MCM4: variants seen among roughly 807,000 people sequenced by gnomAD.
MCM4 encodes the protein DNA replication licensing factor MCM4.
A neutral mutation model predicts 88.7 loss-of-function variants in MCM4; 60 were observed. That is an observed-to-expected ratio of 0.68 (90% CI 0.55 to 0.84). MCM4 has a LOEUF of 0.84. Among genes scored for constraint, MCM4 ranks in the 40% least tolerant of loss-of-function variants. MCM4 has a pLI of 0.00. For synonymous variants in MCM4, 465 were observed against 410.5 expected, an observed-to-expected ratio of 1.13 and a Z score of -1.61; for missense variants, 1,149 against 1,105.5, an observed-to-expected ratio of 1.04 and a Z score of -0.56.
Position 47,974,835 on chromosome 8 carries a change from A to G in MCM4, c.2238A>G (p.Lys746=), listed in dbSNP as rs747940212. 8 of 1,614,116 alleles carry G rather than the reference A, an allele frequency of 5.0e-6. No individual in the cohort carries two copies. ...TCCGCTTAGCAGAAGCCCATGCTAA[A>G]GTAAGATTGTCTAACAAAGTTGAAG... The part of the protein sequence containing the change: ...SLIRLAEAHA[K]VRLSNKVEAI... Residue 746 remains lysine (K), a synonymous_variant, in exon 15 of 17, where the codon AAA becomes AAG. Coordinates refer to ENST00000649973, the MANE Select transcript of MCM4 (RefSeq NM_182746.3).
chr8:47,975,832 G>A lies in MCM4; in HGVS notation c.2483G>A (p.Arg828Gln), dbSNP rs1250073415. 5.1e-6 allele frequency: 8 copies of A among 1,576,778 alleles called. No homozygotes were observed. The highest frequency in any genetic ancestry group is 1.9e-5 in the Admixed American group (1 of 52,594). The change falls in exon 16 of 17, where the codon CGG becomes CAG. Residue 828 changes from arginine to glutamine, a missense_variant. Arg to Gln is a conservative substitution (Grantham distance 43). This residue lies in a region of MCM4 where 238 missense variants were observed against 241.6 expected (regional missense o/e 0.99). Coordinates refer to ENST00000649973, the MANE Select transcript of MCM4 (RefSeq NM_182746.3). ...LKYQQLFEDI[R>Q]GQSDIAITKD... is the part of the protein sequence containing the mutation. ...TACCAGCAACTTTTTGAAGATATTC[G>A]GGGACAATCTGACATAGTAAGTGTT...
intron 10 of MCM4, chr8:47,969,559 G>T: frequency 3.7e-6 from 2 of 536,060 alleles, no homozygotes; most frequent in Non-Finnish European, 3.3e-6. Context: ...TGGTTCTTTC[G>T]AGCTTGTCCG....
rs1280395717 is a variant in MCM4, at chr8:47,970,555, T to G, written c.1479T>G (p.Ser493Arg). Residue 493 changes from serine (S) to arginine (R), a missense_variant, in exon 12 of 17, where the codon AGT becomes AGG. By Grantham distance (110) the Ser-to-Arg change is moderately radical. Around this residue, in one of 3 missense-constraint regions of MCM4, gnomAD observed 906 missense variants for 843.0 expected, o/e 1.07. Coordinates refer to ENST00000649973, the MANE Select transcript of MCM4 (RefSeq NM_182746.3). ...QLFGGTRKDF[S>R]HTGRGKFRAE... is the part of the protein sequence containing the mutation. ...TTGGCGGGACAAGGAAGGATTTTAGTCACACTGGAAGGGGCAAATTTCGGG... is the reference window on the plus strand; with the variant it reads ...TTGGCGGGACAAGGAAGGATTTTAGGCACACTGGAAGGGGCAAATTTCGGG... The G allele has an allele frequency of 6.2e-7, 1 of 1,611,662 alleles. No homozygotes were observed. The highest frequency in any genetic ancestry group is 8.5e-7 in the Non-Finnish European group (1 of 1,178,212).
rs774669015 is a variant in MCM4 at position 47,966,356 on chromosome 8, C to G, written c.1002C>G (p.Thr334=). The change falls in exon 9 of 17, where the codon ACC becomes ACG. Residue 334 remains threonine (T), a synonymous_variant. Transcript: ENST00000649973. ...GTGTGTGCGGGCGCTGCCACACCAC[C>G]CACAGCATGGCACTCATCCACAACC... ...EPSVCGRCHT[T]HSMALIHNRS... 2 of 1,613,852 alleles carry G rather than the reference C, an allele frequency of 1.2e-6. No homozygotes were observed. The highest frequency in any genetic ancestry group is 1.7e-5 in the Admixed American group (1 of 59,992).
rs2090952722 is a variant in MCM4, at chr8:47,971,418, T to A, written c.1878T>A (p.Pro626=). 1 of 1,614,080 alleles carries A rather than the reference T, an allele frequency of 6.2e-7. No homozygotes were observed. Among genetic ancestry groups the A allele is most frequent in the Non-Finnish European group, 8.5e-7 (1 of 1,179,970 alleles). The change falls in exon 13 of 17, where the codon CCT becomes CCA. Residue 626 remains proline (P), a synonymous_variant. Coordinates refer to ENST00000649973, the MANE Select transcript of MCM4 (RefSeq NM_182746.3). ...AANPIESQWN[P]KKTTIENIQL... ...ATCCCATTGAGTCTCAGTGGAATCC[T>A]AAAAAAACAACCATTGAAAACATCC...
rs756967187 is a variant in MCM4, at chr8:47,967,385, G to C, written c.1074G>C (p.Pro358=). 6 of 1,614,146 alleles carry C rather than the reference G, an allele frequency of 3.7e-6. No homozygotes were observed. The South Asian group carries it at 6.6e-5, about 18-fold the overall frequency. ...TTCAGATCAAGCTTCAGGAGTCTCCGGAAGACATGCCTGCAGGGCAGACAC... is the reference window on the plus strand; with the variant it reads ...TTCAGATCAAGCTTCAGGAGTCTCCCGAAGACATGCCTGCAGGGCAGACAC... ...DKQMIKLQES[P]EDMPAGQTPH... Residue 358 remains proline (P), a synonymous_variant, in exon 10 of 17, where the codon CCG becomes CCC. Transcript: ENST00000649973.
rs1300603595 is a variant in MCM4, at chr8:47,975,768, A to T, written c.2419A>T (p.Lys807Ter). 1 of 1,586,866 alleles carries T rather than the reference A, an allele frequency of 6.3e-7. No individual in the cohort carries two copies. Among genetic ancestry groups the T allele is most frequent in the African/African-American group, 1.4e-5 (1 of 73,448 alleles). ...AGAAGAATTAGCTGAAGCATTGAAA[A>T]AGCTTATTTTATCTAAGGGCAAAAC... is the stretch of plus-strand genomic sequence containing the variant. ...RKEELAEALK[K>*]LILSKGKTPA... The change falls in exon 16 of 17, where the codon AAG becomes TAG. Residue 807 changes from lysine (K) to a stop codon, truncating the protein, a stop_gained. Transcript: ENST00000649973. LOFTEE classifies it high-confidence loss of function.
In MCM4 at chr8:47,972,959, A is replaced by C. The variant is rs773997334; in HGVS notation, c.2031A>C (p.Ala677=). 1.9e-6 allele frequency: 3 copies of C among 1,614,090 alleles called. No homozygotes were observed. Among genetic ancestry groups the C allele is most frequent in the Non-Finnish European group, 2.5e-6 (3 of 1,180,036 alleles). Residue 677 remains alanine (A), a synonymous_variant, in exon 14 of 17, where the codon GCA becomes GCC. Coordinates refer to ENST00000649973, the MANE Select transcript of MCM4 (RefSeq NM_182746.3). ...TGTACTACCAGAGCGAGGAGCAGGCAGAGGAGGAGCTCCTGGACATGGCGG... is the reference window on the plus strand; with the variant it reads ...TGTACTACCAGAGCGAGGAGCAGGCCGAGGAGGAGCTCCTGGACATGGCGG... ...VALYYQSEEQ[A]EEELLDMAVL... is the part of the protein sequence containing the mutation.
At chr8:47,971,572 T>G (rs2090954082) in intron 13 of MCM4, 104 bp downstream of exon 13, 7 of 1,203,882 alleles carry the variant, frequency 5.8e-6, no homozygotes, top group Non-Finnish European at 7.1e-6. Context: ...CTCTTCACTC[T>G]TATCAAGATG....
At position 47,970,620 on chromosome 8, in the gene MCM4, G is replaced by A; in HGVS notation, c.1544G>A (p.Ser515Asn). 1 of 1,614,164 alleles carries A rather than the reference G, an allele frequency of 6.2e-7. No homozygotes were observed. The highest frequency in any genetic ancestry group is 8.5e-7 in the Non-Finnish European group (1 of 1,180,032). Reference protein sequence around the residue: ...NILLCGDPGTSKSQLLQYVYN... With the variant: ...NILLCGDPGTNKSQLLQYVYN... ...TTGCTGTGTGGCGACCCTGGTACCA[G>A]CAAGTCCCAGCTGCTGCAGTACGTG... The change falls in exon 12 of 17, where the codon AGC (serine) becomes AAC (asparagine). Residue 515 changes from serine to asparagine, a missense_variant. Ser to Asn is a conservative substitution (Grantham distance 46). This residue lies in a region of MCM4 where 906 missense variants were observed against 843.0 expected (regional missense o/e 1.07). Coordinates refer to ENST00000649973, the MANE Select transcript of MCM4 (RefSeq NM_182746.3).
rs1017256592 is a variant in MCM4, at chr8:47,976,845, A to AT, written c.*68dup. The AT allele has an allele frequency of 9.6e-7, 1 of 1,038,586 alleles. No individual in the cohort carries two copies. Among genetic ancestry groups the AT allele is most frequent in the Non-Finnish European group, 1.5e-6 (1 of 663,154 alleles). 64.3% of individuals were successfully genotyped at this position (1,038,586 alleles called of 1,614,324 possible). ...TGCACGCCACATGGGTGTGGTCTGC[A>AT]TCTCAGTTGGCCGCCATCAGTGTAA... On this transcript the variant is annotated 3_prime_UTR_variant, in exon 17 of 17. Transcript: ENST00000649973.
chr8:47,970,421 T>C lies in MCM4; in HGVS notation c.1435-90T>C, dbSNP rs2090941844. The stretch of plus-strand genomic sequence containing the variant: ...CTGTGATTTCTTAATTGTAGTTCTT[T>C]ATAAGAGAGAAAAGTACCTCTAAAG... On this transcript the variant is annotated intron_variant, in intron 11 of 16. Transcript: ENST00000649973. 22 of 1,459,986 alleles carry C rather than the reference T, an allele frequency of 1.5e-5. No homozygotes were observed. In the South Asian group the frequency reaches 2.0e-4, roughly 14 times the overall value. 90.4% of individuals were successfully genotyped at this position (1,459,986 alleles called of 1,614,324 possible).
intron 2 of MCM4, 112 bp from the exon 3 acceptor site, chr8:47,961,404 C>T (rs2090830653): frequency 1.3e-6 from 2 of 1,585,286 alleles, no homozygotes; most frequent in Non-Finnish European, 8.5e-7. Flanking sequence ...TTGCCATTTG[C>T]CTCTGTTTGG....
Position 47,978,110 on chromosome 8 carries a change from A to C in MCM4, c.*1332A>C, listed in dbSNP as rs2091016910. On this transcript the variant is annotated 3_prime_UTR_variant, in exon 17 of 17. Coordinates refer to ENST00000649973, the MANE Select transcript of MCM4 (RefSeq NM_182746.3). Reference sequence around the variant, plus strand: ...ATCTTTATAAAATGACCATAGGCTAAAATCTTACGTGTAAGTACTACTACA... The same window carrying C: ...ATCTTTATAAAATGACCATAGGCTACAATCTTACGTGTAAGTACTACTACA... 6.6e-6 allele frequency: 1 copy of C among 152,238 alleles called. No individual in the cohort carries two copies. The allele number at this position is 152,238 out of a possible 1,614,324, so 9.4% of individuals were successfully genotyped here.
chr8:47,970,029 G>A lies in MCM4; in HGVS notation c.1406G>A (p.Ser469Asn). 2 of 1,614,112 alleles carry A rather than the reference G, an allele frequency of 1.2e-6. No homozygotes were observed. ...AGGCTTGCTTCAGCCTTGGCTCCAA[G>A]CATTTATGAACATGAAGATATAAAG... ...YERLASALAP[S>N]IYEHEDIKKG... is the part of the protein sequence containing the mutation. The change falls in exon 11 of 17, where the codon AGC becomes AAC. Residue 469 changes from serine (S) to asparagine (N), a missense_variant. Around this residue, in one of 3 missense-constraint regions of MCM4, gnomAD observed 906 missense variants for 843.0 expected, o/e 1.07. Coordinates refer to ENST00000649973, the MANE Select transcript of MCM4 (RefSeq NM_182746.3).
chr8:47,962,253 G>A (rs1159214516), intron 4 of MCM4, 37 bp downstream of exon 4: 1 of 1,613,996 alleles, frequency 6.2e-7, no homozygotes, highest in Non-Finnish European at 8.5e-7. Context: ...CTTATGGCGG[G>A]TATCATGTGG....
At chr8:47,963,765 C>T (rs192827059) in intron 7 of MCM4, among the ~76,000 whole-genome samples, 286 of 152,268 alleles carry the variant, frequency 1.9e-3, no homozygotes, top group Admixed American at 2.9e-3. Context: ...GCTCTGTTGA[C>T]TCTGGGTGTA....
At chr8:47,966,723 A>T (rs561749311) in intron 9 of MCM4, among the ~76,000 whole-genome samples, 2 of 152,336 alleles carry the variant, frequency 1.3e-5, no homozygotes, top group South Asian at 4.1e-4. Flanking sequence ...TTCCATTGGT[A>T]AAGGATTGAG....
Position 47,961,005 on chromosome 8 carries a change from C to T in MCM4, c.-24C>T, listed in dbSNP as rs1304647951. ...CGCGAGCGTCGTCGGCAAGCGGCCG[C>T]CTTTCCACGGTAACCGCGCGCCGGC... On this transcript the variant is annotated 5_prime_UTR_variant, in exon 1 of 17. Transcript: ENST00000649973. 9 of 911,838 alleles carry T rather than the reference C, an allele frequency of 9.9e-6. No homozygotes were observed. Among genetic ancestry groups the T allele is most frequent in the Non-Finnish European group, 1.4e-5 (9 of 652,268 alleles). 56.5% of individuals were successfully genotyped at this position (911,838 alleles called of 1,614,324 possible).
Sources: allele counts gnomAD v4.1 joint callset (sites outside exome capture counted in the v4.1 genomes callset), GRCh38; gene constraint gnomAD v4.1.1; regional missense constraint gnomAD v4.1.1; transcripts MANE v1.5; gene names NCBI Gene and HGNC (gene_info 2026-07-23, HGNC 2026-07-21).